The following EDIL3 variants were observed in gnomAD, a reference collection of about 807,000 sequenced individuals.
EDIL3 encodes the protein EGF-like repeat and discoidin I-like domain-containing protein 3.
EDIL3 carries 37 observed loss-of-function variants against 67.4 expected under a neutral mutation model. The observed-to-expected ratio is 0.55, with a 90% CI of 0.42 to 0.72. The LOEUF (loss-of-function observed/expected upper bound fraction) is 0.72, where lower values mean the gene tolerates loss of function less well. EDIL3 is among the 30% of genes least tolerant of loss of function. The pLI is 0.00. For missense variants in EDIL3, 527 were observed against 586.3 expected, an observed-to-expected ratio of 0.90 and a Z score of 1.04; for synonymous variants, 195 against 196.3, an observed-to-expected ratio of 0.99 and a Z score of 0.05.
At chr5:84,217,751 CACACACACACACAT>C (rs1253510346) in intron 3 of EDIL3, among the ~76,000 whole-genome samples, 29 of 151,412 alleles carry the variant, frequency 1.9e-4, no homozygotes, top group African/African-American at 6.6e-4. Flanking sequence ...CACACACACA[CACACACACACACAT>C]CCTTCTGGTT....
chr5:84,273,335 T>C (rs566427867), intron 1 of EDIL3, among the ~76,000 whole-genome samples: 1 of 152,240 alleles, frequency 6.6e-6, no homozygotes, highest in South Asian at 2.1e-4. Context: ...TTTAGAACAA[T>C]TGTTCTGCTC....
intron 9 of EDIL3, among the ~76,000 whole-genome samples, chr5:83,992,116 T>C (rs1461752101): frequency 6.6e-6 from 1 of 152,182 alleles, no homozygotes; most frequent in East Asian, 1.9e-4. Flanking sequence ...GATTCAATCA[T>C]GCAAGAACAA....
chr5:84,239,409 A>C (rs540791217), intron 2 of EDIL3, among the ~76,000 whole-genome samples: 1 of 152,208 alleles, frequency 6.6e-6, no homozygotes, highest in African/African-American at 2.4e-5. Context: ...GTAAAGAATT[A>C]ATTTCCTTTC....
At position 84,362,625 on chromosome 5, in the gene EDIL3, C is replaced by T. The variant is rs374953619; in HGVS notation, c.67+21683G>A. Among the ~76,000 whole-genome samples, 33 of 152,264 alleles carry T rather than the reference C, an allele frequency of 2.2e-4. No individual in the cohort carries two copies. In the East Asian group the frequency reaches 3.9e-3, roughly 18 times the overall value. ...CAATTGCCTGGGCTTATATTCAAGGCTTTGTGCATAGTAATTGACTGCACA... is the reference window on the plus strand; with the variant it reads ...CAATTGCCTGGGCTTATATTCAAGGTTTTGTGCATAGTAATTGACTGCACA... On this transcript the variant is annotated intron_variant, in intron 1 of 10. Coordinates refer to ENST00000296591, the MANE Select transcript of EDIL3 (RefSeq NM_005711.5).
At chr5:84,213,973 G>T (rs1000445874) in intron 3 of EDIL3, among the ~76,000 whole-genome samples, 2 of 152,088 alleles carry the variant, frequency 1.3e-5, no homozygotes, top group African/African-American at 2.4e-5. Context: ...AAGTGGATTT[G>T]CAGGCTTGCC....
rs182926612 is a variant in EDIL3 at position 84,238,395 on chromosome 5, G to A, written c.197-8511C>T. ...ATATTTTGAAATTCAAAAGATGAAG[G>A]GGGAAGAAAAAAAAACAGTGGGCAG... On this transcript the variant is annotated intron_variant, in intron 2 of 10. Coordinates refer to ENST00000296591, the MANE Select transcript of EDIL3 (RefSeq NM_005711.5). Among the ~76,000 whole-genome samples the A allele has an allele frequency of 2.3e-3, 354 of 152,020 alleles. 1 individual carries two copies. The highest frequency in any genetic ancestry group is 8.3e-3 in the African/African-American group (346 of 41,478).
intron 3 of EDIL3, among the ~76,000 whole-genome samples, chr5:84,182,121 G>C (rs1016941829): frequency 1.3e-5 from 2 of 151,936 alleles, no homozygotes; most frequent in African/African-American, 4.8e-5. Flanking sequence ...TCCTGCATGG[G>C]TCAAAGCCAC....
At chr5:84,148,928 A>G (rs1342519186) in intron 4 of EDIL3, among the ~76,000 whole-genome samples, 2 of 151,678 alleles carry the variant, frequency 1.3e-5, no homozygotes, top group Non-Finnish European at 2.9e-5. Flanking sequence ...AAGGGACCAG[A>G]ATTTTCAGGC....
chr5:84,002,286 T>C (rs1407035024), intron 9 of EDIL3, among the ~76,000 whole-genome samples: 2 of 151,022 alleles, frequency 1.3e-5, no homozygotes, highest in African/African-American at 4.9e-5. Flanking sequence ...TACCTCAACA[T>C]ATAATAATAA....
chr5:84,185,789 G>A (rs900027021), intron 3 of EDIL3, among the ~76,000 whole-genome samples: 4 of 152,056 alleles, frequency 2.6e-5, no homozygotes, highest in African/African-American at 9.7e-5. Flanking sequence ...GTAAATAACA[G>A]ACCATTAGAA....
chr5:84,365,366 T>C (rs1747706963), intron 1 of EDIL3, among the ~76,000 whole-genome samples: 1 of 152,162 alleles, frequency 6.6e-6, no homozygotes, highest in Non-Finnish European at 1.5e-5. Flanking sequence ...TTTAACATCC[T>C]GAGTTCCACC....
intron 10 of EDIL3, among the ~76,000 whole-genome samples, chr5:83,956,444 TACCTTAACAACTGCTATC>T (rs1462783645): frequency 1.3e-5 from 2 of 151,764 alleles, no homozygotes; most frequent in African/African-American, 4.8e-5. Context: ...GTTCTCTGTG[TACCTTAACAACTGCTATC>T]ACACTACTCA....
chr5:84,118,118 T>G (rs2112295853), intron 5 of EDIL3, among the ~76,000 whole-genome samples: 1 of 152,228 alleles, frequency 6.6e-6, no homozygotes, highest in East Asian at 1.9e-4. Context: ...ATATAAATTT[T>G]ACCTTACATT....
chr5:83,961,651 C>G (rs1212452972), intron 10 of EDIL3, among the ~76,000 whole-genome samples: 1 of 150,854 alleles, frequency 6.6e-6, no homozygotes, highest in Non-Finnish European at 1.5e-5. Context: ...TAATTTCAAG[C>G]CTGTATAACT....
At chr5:84,312,421 C>T (rs531433364) in intron 1 of EDIL3, among the ~76,000 whole-genome samples, 6 of 137,808 alleles carry the variant, frequency 4.4e-5, no homozygotes, top group Non-Finnish European at 6.4e-5. Context: ...GGCGGCTGGC[C>T]GGGCAGAGGG....
At chr5:84,356,479 C>A (rs1229891500) in intron 1 of EDIL3, among the ~76,000 whole-genome samples, 1 of 152,192 alleles carries the variant, frequency 6.6e-6, no homozygotes, top group Admixed American at 6.5e-5. Flanking sequence ...CCAGTGGTGA[C>A]CAGCTGAGTA....
chr5:84,055,424 A>G (rs1580302845), intron 9 of EDIL3, among the ~76,000 whole-genome samples: 1 of 146,630 alleles, frequency 6.8e-6, no homozygotes, highest in Non-Finnish European at 1.5e-5. Flanking sequence ...TAAAACACCA[A>G]AAGCAATGGC....
Position 84,238,240 on chromosome 5 carries a change from T to C in EDIL3, c.197-8356A>G, listed in dbSNP as rs190983123. On this transcript the variant is annotated intron_variant, in intron 2 of 10. Coordinates refer to ENST00000296591, the MANE Select transcript of EDIL3 (RefSeq NM_005711.5). ...CATGACTTTTTACCATTTTAATATC[T>C]GTGAGGTCTTTTAGTAAAATATCAT... 3.4e-3 allele frequency among the ~76,000 whole-genome samples: 523 copies of C among 152,264 alleles called. 3 individuals are homozygous for C. The highest frequency in any genetic ancestry group is 5.0e-3 in the Non-Finnish European group (343 of 68,004).
intron 10 of EDIL3, among the ~76,000 whole-genome samples, chr5:83,960,456 C>T (rs1439822878): frequency 3.3e-5 from 5 of 150,972 alleles, no homozygotes; most frequent in Non-Finnish European, 7.4e-5. Flanking sequence ...CTGATGTGAT[C>T]ATTACACACT....
Sources: allele counts gnomAD v4.1 joint callset (sites outside exome capture counted in the v4.1 genomes callset), GRCh38; gene constraint gnomAD v4.1.1; transcripts MANE v1.5; gene names NCBI Gene and HGNC (gene_info 2026-07-23, HGNC 2026-07-21).